The following ABLIM1 variants were observed in gnomAD, a reference collection of about 807,000 sequenced individuals.
ABLIM1 encodes the protein actin-binding LIM protein 1.
Under a neutral mutation model 107.0 loss-of-function variants are expected in ABLIM1, and 40 were observed. That is an observed-to-expected ratio of 0.37 (90% CI 0.29 to 0.49). The LOEUF is 0.49. ABLIM1 is among the 20% of genes least tolerant of loss of function. The pLI is 0.97. For synonymous variants in ABLIM1, 357 were observed against 357.3 expected (o/e 1.00, Z 0.01); for missense variants, 857 against 1,008.5 (o/e 0.85, Z 2.04).
At chr10:114,751,526 C>G (rs1354348283) in intron 1 of ABLIM1, among the ~76,000 whole-genome samples, 2 of 151,816 alleles carry the variant, frequency 1.3e-5, no homozygotes, top group Non-Finnish European at 2.9e-5. Flanking sequence ...GCTGAGGCGG[C>G]AGATCACGAT....
intron 1 of ABLIM1, among the ~76,000 whole-genome samples, chr10:114,737,811 G>T (rs1488842808): frequency 6.6e-6 from 1 of 152,058 alleles, no homozygotes; most frequent in African/African-American, 2.4e-5. Context: ...TTTCTCTCTT[G>T]CAGATTCACA....
At chr10:114,687,876 C>T (rs905354838), upstream of ABLIM1, among the ~76,000 whole-genome samples, 12 of 152,182 alleles carry the variant, frequency 7.9e-5, no homozygotes, top group African/African-American at 2.9e-4. Flanking sequence ...TAGACTTTAT[C>T]TAGAAAGGCA....
intron 1 of ABLIM1, among the ~76,000 whole-genome samples, chr10:114,669,366 T>C (rs2080158138): frequency 6.6e-6 from 1 of 152,216 alleles, no homozygotes; most frequent in Non-Finnish European, 1.5e-5. Flanking sequence ...CAGCCATCCT[T>C]GGATACCACA....
intron 1 of ABLIM1, among the ~76,000 whole-genome samples, chr10:114,639,523 A>T (rs2078639765): frequency 6.6e-6 from 1 of 152,166 alleles, no homozygotes; most frequent in African/African-American, 2.4e-5. Flanking sequence ...CCACATGCTG[A>T]GTGACCCTGG....
At chr10:114,646,201 AC>A (rs1343480467) in intron 1 of ABLIM1, among the ~76,000 whole-genome samples, 1 of 152,204 alleles carries the variant, frequency 6.6e-6, no homozygotes, top group Non-Finnish European at 1.5e-5. Context: ...TCTGGATTAC[AC>A]AATATTTCCT....
At chr10:114,631,156 A>G (rs182563008) in intron 1 of ABLIM1, among the ~76,000 whole-genome samples, 1 of 152,352 alleles carries the variant, frequency 6.6e-6, no homozygotes, top group East Asian at 1.9e-4. Flanking sequence ...ACTCAAAACA[A>G]GCACTGTGGT....
chr10:114,465,323 A>G (rs920584467), intron 12 of ABLIM1: 5 of 161,632 alleles, frequency 3.1e-5, no homozygotes, highest in African/African-American at 1.2e-4. Flanking sequence ...AATGGCTAAT[A>G]CTGAATTTTA....
chr10:114,448,581 A>G (rs990573028), intron 14 of ABLIM1, among the ~76,000 whole-genome samples: 4 of 148,122 alleles, frequency 2.7e-5, no homozygotes, highest in East Asian at 3.9e-4. Context: ...AGAAGCCACA[A>G]ATATGTTGGT....
chr10:114,765,205 C>G (rs1310433742), intron 1 of ABLIM1, among the ~76,000 whole-genome samples: 3 of 151,992 alleles, frequency 2.0e-5, no homozygotes, highest in Non-Finnish European at 4.4e-5. Flanking sequence ...CGCCACCATG[C>G]CCAGCTAATT....
chr10:114,769,018 C>T (rs115374841), upstream of ABLIM1, among the ~76,000 whole-genome samples: 626 of 151,886 alleles, frequency 4.1e-3, 6 homozygotes, highest in African/African-American at 0.014. Flanking sequence ...CCTGTCCTCT[C>T]TTCCTCTGTG....
intron 15 of ABLIM1, among the ~76,000 whole-genome samples, chr10:114,446,370 A>G (rs1183487563): frequency 6.6e-6 from 1 of 152,194 alleles, no homozygotes; most frequent in Non-Finnish European, 1.5e-5. Context: ...GTACAATTTT[A>G]CTTTGGAACA....
intron 8 of ABLIM1, among the ~76,000 whole-genome samples, chr10:114,475,182 TCA>T (rs1482803865): frequency 6.6e-6 from 1 of 152,176 alleles, no homozygotes; most frequent in Non-Finnish European, 1.5e-5. Context: ...CTGTCATCAC[TCA>T]CAGAACACAG....
chr10:114,616,934 A>G (rs2077163260), intron 1 of ABLIM1, among the ~76,000 whole-genome samples: 1 of 152,222 alleles, frequency 6.6e-6, no homozygotes, highest in Non-Finnish European at 1.5e-5. Flanking sequence ...AAACTGAGGC[A>G]ACAGGAGGTT....
intron 12 of ABLIM1, among the ~76,000 whole-genome samples, chr10:114,464,218 C>T (rs2064629084): frequency 6.9e-6 from 1 of 145,884 alleles, no homozygotes; most frequent in Admixed American, 6.9e-5. Context: ...TGGAGTCTTG[C>T]TCTGTCATCC....
intron 8 of ABLIM1, among the ~76,000 whole-genome samples, chr10:114,477,694 G>C (rs778684209): frequency 6.6e-6 from 1 of 152,110 alleles, no homozygotes; most frequent in Non-Finnish European, 1.5e-5. Flanking sequence ...CAGTTCTCTT[G>C]GCAGAACTAG....
At chr10:114,655,489 CTGTT>C (rs1351517906) in intron 1 of ABLIM1, among the ~76,000 whole-genome samples, 2 of 152,212 alleles carry the variant, frequency 1.3e-5, no homozygotes, top group Non-Finnish European at 2.9e-5. Flanking sequence ...TGATTTGAGT[CTGTT>C]TGAGTAGAAA....
upstream of ABLIM1, among the ~76,000 whole-genome samples, chr10:114,688,909 C>T (rs1260113426): frequency 6.6e-6 from 1 of 152,154 alleles, no homozygotes; most frequent in African/African-American, 2.4e-5. Flanking sequence ...GCTGTTTATG[C>T]TTTTTCCAAA....
At chr10:114,600,257 G>T (rs562573524) in intron 2 of ABLIM1, among the ~76,000 whole-genome samples, 2 of 152,268 alleles carry the variant, frequency 1.3e-5, no homozygotes, top group East Asian at 3.9e-4. Context: ...GCCATCTTGG[G>T]TTGGGTGAAA....
At chr10:114,675,556 T>G (rs142403791) in intron 1 of ABLIM1, among the ~76,000 whole-genome samples, 2,414 of 152,266 alleles carry the variant, frequency 0.016, 62 homozygotes, top group African/African-American at 0.054. Flanking sequence ...CCTTTATAAA[T>G]TACCCAGTCT....
Sources: gnomAD v4.1 joint callset for allele counts (sites outside exome capture counted in the v4.1 genomes callset) on GRCh38, gnomAD v4.1.1 for gene constraint, MANE v1.5 for transcripts, NCBI Gene and HGNC (gene_info 2026-07-23, HGNC 2026-07-21) for gene names.